Variants in SARDH observed in about 807,000 individuals in gnomAD.
The protein encoded by SARDH is sarcosine dehydrogenase, mitochondrial.
SARDH carries 95 observed loss-of-function variants against 109.1 expected under a neutral mutation model. The observed-to-expected ratio is 0.87, with a 90% CI of 0.74 to 1.03. The LOEUF is 1.03. Among genes scored for constraint, SARDH ranks in the 50% least tolerant of loss-of-function variants. The pLI, the probability that SARDH is intolerant of heterozygous loss-of-function variation, is 0.00. For synonymous variants in SARDH, 572 were observed against 534.8 expected, an observed-to-expected ratio of 1.07 and a Z score of -0.96; for missense variants, 1,267 against 1,287.8, an observed-to-expected ratio of 0.98 and a Z score of 0.25.
chr9:133,733,758 C>T (rs1832765302), intron 2 of SARDH, 85 bp downstream of exon 2: 7 of 1,304,448 alleles, frequency 5.4e-6, no homozygotes, highest in Non-Finnish European at 7.0e-6. Flanking sequence ...TTGTTGTGAA[C>T]CAAGAACTGT....
At chr9:133,727,099 C>T (rs781266087) in intron 6 of SARDH, among the ~76,000 whole-genome samples, 7 of 152,158 alleles carry the variant, frequency 4.6e-5, no homozygotes, top group African/African-American at 7.2e-5. Context: ...TGCAAAAGTA[C>T]GCCAGAGCAC....
At chr9:133,701,672 G>A (rs938112687) in intron 13 of SARDH, among the ~76,000 whole-genome samples, 1 of 152,210 alleles carries the variant, frequency 6.6e-6, no homozygotes, top group African/African-American at 2.4e-5. Flanking sequence ...AGCACTCCCT[G>A]GGAGGCAGCG....
intron 17 of SARDH, among the ~76,000 whole-genome samples, chr9:133,680,196 G>A (rs1256843260): frequency 1.3e-5 from 2 of 152,244 alleles, no homozygotes; most frequent in Admixed American, 6.5e-5. Context: ...GCTAGACTCC[G>A]TGCTACAGGT....
At chr9:133,664,267 A>G (rs1000784675) in intron 20 of SARDH, among the ~76,000 whole-genome samples, 9 of 152,120 alleles carry the variant, frequency 5.9e-5, no homozygotes, top group African/African-American at 2.2e-4. Flanking sequence ...TATGACTTCC[A>G]CCGGACAACA....
rs773713552 is a variant in SARDH at position 133,733,834 on chromosome 9, G to C, written c.331+9C>G. 6.9e-7 allele frequency: 1 copy of C among 1,449,884 alleles called. No individual in the cohort carries two copies. The highest frequency in any genetic ancestry group is 9.1e-7 in the Non-Finnish European group (1 of 1,098,824). 89.8% of individuals were successfully genotyped at this position (1,449,884 alleles called of 1,614,324 possible). A position where few individuals can be genotyped will look rare whatever the true frequency, so the allele number is the denominator to read the frequency against. On this transcript the variant is annotated intron_variant, in intron 2 of 20. Coordinates refer to ENST00000439388, the MANE Select transcript of SARDH (RefSeq NM_001134707.2). ...CCTTCCCTGCCCCTACCTGGCCCCCGGTCCCTACCTGCCGTGTGCCAGGTG... is the reference window on the plus strand; with the variant it reads ...CCTTCCCTGCCCCTACCTGGCCCCCCGTCCCTACCTGCCGTGTGCCAGGTG...
chr9:133,691,732 C>CGCA (rs2131384279), intron 15 of SARDH, among the ~76,000 whole-genome samples: 1 of 152,290 alleles, frequency 6.6e-6, no homozygotes, highest in Admixed American at 6.5e-5. Context: ...GGGTAGGTAG[C>CGCA]GCACGTATTC....
rs376934248 is a variant in SARDH at position 133,718,609 on chromosome 9, T to C, written c.1020+329A>G. The C allele has an allele frequency of 2.4e-4, 182 of 769,616 alleles. No individual in the cohort carries two copies. The highest frequency in any genetic ancestry group is 4.0e-4 in the Non-Finnish European group (164 of 413,968). The allele number at this position is 769,616 out of a possible 1,614,324, so 47.7% of individuals were successfully genotyped here. A position where few individuals can be genotyped will look rare whatever the true frequency, so the allele number is the denominator to read the frequency against. On this transcript the variant is annotated intron_variant, in intron 7 of 20. Transcript: ENST00000439388. The surrounding 1 kb of genome is among the most constrained non-coding windows in gnomAD (Gnocchi z 4.2). Reference sequence around the variant, plus strand: ...CCAGGGGAAATGCCGCTGCAGCAGCTGGTTGGGAGGGCAGTGTCATTTGCT... The same window carrying C: ...CCAGGGGAAATGCCGCTGCAGCAGCCGGTTGGGAGGGCAGTGTCATTTGCT...
chr9:133,690,330 G>A (rs1831044836), intron 16 of SARDH, 50 bp downstream of exon 16: 1 of 1,583,990 alleles, frequency 6.3e-7, no homozygotes, highest in Non-Finnish European at 8.6e-7. Context: ...TGGAGGACCT[G>A]GGTCCAGGCA....
At chr9:133,725,579 G>C (rs557356582) in intron 6 of SARDH, 6 of 415,336 alleles carry the variant, frequency 1.4e-5, no homozygotes, top group Non-Finnish European at 2.9e-5. Flanking sequence ...GGGAGGCTGA[G>C]GCACGAGAAT....
In SARDH at chr9:133,695,753, C is replaced by T. The variant is rs1415635364; in HGVS notation, c.1807+470G>A. 3.3e-5 allele frequency among the ~76,000 whole-genome samples: 5 copies of T among 151,904 alleles called. No individual in the cohort carries two copies. In the East Asian group the frequency reaches 5.8e-4, roughly 18 times the overall value. ...GTTGGGTGGGTGGGTGGGTGGGTGA[C>T]GAAAAGGCAGATGAAGATCCCAAGT... On this transcript the variant is annotated intron_variant, in intron 14 of 20. Coordinates refer to ENST00000439388, the MANE Select transcript of SARDH (RefSeq NM_001134707.2).
Position 133,693,049 on chromosome 9 carries a change from C to T in SARDH, c.1921+1209G>A, listed in dbSNP as rs747484625. 1.3e-4 allele frequency among the ~76,000 whole-genome samples: 20 copies of T among 152,072 alleles called. No homozygotes were observed. Among genetic ancestry groups the T allele is most frequent in the Admixed American group, 3.9e-4 (6 of 15,280 alleles). On this transcript the variant is annotated intron_variant, in intron 15 of 20. Transcript: ENST00000439388. The surrounding 1 kb of genome is among the most constrained non-coding windows in gnomAD (Gnocchi z 5.6). ...CGAAGACCCGCTGGGCAGTGAGGAG[C>T]GCTGTCTTCCCACCCTGGCCCCCAA... is the stretch of plus-strand genomic sequence containing the variant.
intron 6 of SARDH, among the ~76,000 whole-genome samples, chr9:133,723,371 T>C (rs956700250): frequency 2.6e-5 from 4 of 152,232 alleles, no homozygotes; most frequent in African/African-American, 7.2e-5. Flanking sequence ...TCACACTTCT[T>C]GATACCAAAC....
rs751351560 is a variant in SARDH, at chr9:133,705,015, C to T, written c.1487G>A (p.Gly496Asp). Reference sequence around the variant, plus strand: ...GCCATGCCGCTCCTGGAACACGCAGCCTTGTCCAAGGAGTTCCTGAGCAGG... The same window carrying T: ...GCCATGCCGCTCCTGGAACACGCAGTCTTGTCCAAGGAGTTCCTGAGCAGG... ...DPLHEELLGQGCVFQERHGWE... is the reference protein window; with the variant it reads ...DPLHEELLGQDCVFQERHGWE... Residue 496 changes from glycine to aspartate, a missense_variant, in exon 12 of 21, where the codon GGC becomes GAC. Gly to Asp is a moderately conservative substitution (Grantham distance 94). Transcript: ENST00000439388. 1 of 1,592,044 alleles carries T rather than the reference C, an allele frequency of 6.3e-7. No individual in the cohort carries two copies. Among genetic ancestry groups the T allele is most frequent in the Non-Finnish European group, 8.5e-7 (1 of 1,170,290 alleles).
chr9:133,661,344 AAAAAACAAC>A (rs1832410668), downstream of SARDH, among the ~76,000 whole-genome samples: 1 of 150,790 alleles, frequency 6.6e-6, no homozygotes, highest in Admixed American at 6.6e-5. Context: ...TGTCTCAAAA[AAAAAACAAC>A]AACAACAAAA....
chr9:133,704,200 G>A lies in SARDH; in HGVS notation c.1554+748C>T, dbSNP rs532565315. Among the ~76,000 whole-genome samples, 14 of 152,102 alleles carry A rather than the reference G, an allele frequency of 9.2e-5. No individual in the cohort carries two copies. Among genetic ancestry groups the A allele is most frequent in the Non-Finnish European group, 1.2e-4 (8 of 68,004 alleles). On this transcript the variant is annotated intron_variant, in intron 12 of 20. Coordinates refer to ENST00000439388, the MANE Select transcript of SARDH (RefSeq NM_001134707.2). This position sits in a 1 kb window ranked among gnomAD's most constrained non-coding sequence, Gnocchi z 4.5. The stretch of plus-strand genomic sequence containing the variant: ...AGCTCTGGCTCTCATCTCCCCTCCC[G>A]ATGCCCTGGAGCTCTGGAGCCTGGC...
chr9:133,671,354 T>G (rs997405694), intron 18 of SARDH, among the ~76,000 whole-genome samples, 181 bp downstream of exon 18: 5 of 151,190 alleles, frequency 3.3e-5, no homozygotes, highest in African/African-American at 1.2e-4. Flanking sequence ...CAGCAAGAGG[T>G]TTTGGGGAAA....
At chr9:133,679,340 T>G (rs966574642) in intron 17 of SARDH, among the ~76,000 whole-genome samples, 30 of 152,350 alleles carry the variant, frequency 2.0e-4, no homozygotes, top group African/African-American at 7.0e-4. Flanking sequence ...TTATCTAACG[T>G]GTGTGGGTGC....
intron 8 of SARDH, among the ~76,000 whole-genome samples, chr9:133,715,386 C>G (rs374650746): frequency 2.0e-5 from 3 of 152,150 alleles, no homozygotes; most frequent in Non-Finnish European, 2.9e-5. Context: ...GGGATTCTTC[C>G]GGGCCTGTGT....
chr9:133,696,184 G>C, intron 14 of SARDH, 39 bp downstream of exon 14: 20 of 1,609,866 alleles, frequency 1.2e-5, no homozygotes, highest in Non-Finnish European at 1.7e-5. Flanking sequence ...TGTGCCCATG[G>C]AGTGACAGGA....
Sources: allele counts gnomAD v4.1 joint callset (sites outside exome capture counted in the v4.1 genomes callset), GRCh38; gene constraint gnomAD v4.1.1; non-coding constraint Gnocchi (gnomAD v3.1); transcripts MANE v1.5; gene names NCBI Gene and HGNC (gene_info 2026-07-23, HGNC 2026-07-21).